Variants in INPP5A observed in about 807,000 individuals in gnomAD.
INPP5A encodes inositol polyphosphate-5-phosphatase A, also known as 43 kDa inositol polyphosphate 5-phophatase.
Under a neutral mutation model 65.2 loss-of-function variants are expected in INPP5A, and 14 were observed. The ratio of observed to expected loss-of-function variants is 0.21; its 90% CI spans 0.14 to 0.34. The LOEUF is 0.34. INPP5A is among the 10% of genes least tolerant of loss of function. The pLI is 1.00. For synonymous variants in INPP5A, 207 were observed against 208.3 expected, an observed-to-expected ratio of 0.99 and a Z score of 0.05; for missense variants, 431 against 545.6, an observed-to-expected ratio of 0.79 and a Z score of 2.09.
intron 2 of INPP5A, among the ~76,000 whole-genome samples, chr10:132,641,829 A>G (rs1219863307): frequency 6.6e-6 from 1 of 152,174 alleles, no homozygotes; most frequent in South Asian, 2.1e-4. Context: ...TGTTTGGGGT[A>G]CCCATCTCCA....
intron 8 of INPP5A, among the ~76,000 whole-genome samples, chr10:132,716,881 C>T (rs939389319): frequency 4.6e-5 from 7 of 152,224 alleles, no homozygotes; most frequent in East Asian, 1.9e-4. Context: ...CCGCCCTGCA[C>T]GGGGCTCCCC....
In INPP5A at chr10:132,782,288, T is replaced by C. The variant is rs1847178867; in HGVS notation, c.*259T>C. 1 of 377,620 alleles carries C rather than the reference T, an allele frequency of 2.6e-6. No individual in the cohort carries two copies. The highest frequency in any genetic ancestry group is 3.7e-5 in the Admixed American group (1 of 26,782). 23.4% of individuals were successfully genotyped at this position (377,620 alleles called of 1,614,324 possible). A position where few individuals can be genotyped will look rare whatever the true frequency, so the allele number is the denominator to read the frequency against. On this transcript the variant is annotated 3_prime_UTR_variant, in exon 16 of 16. Coordinates refer to ENST00000368594, the MANE Select transcript of INPP5A (RefSeq NM_005539.5). The surrounding 1 kb of genome is among the most constrained non-coding windows in gnomAD (Gnocchi z 4.4). ...TTTTTTAAATAAGTCACAGTCCTGT[T>C]GTCAAAACTCTAATAGACAGCAAAG...
At chr10:132,564,570 G>A (rs770398730) in intron 1 of INPP5A, among the ~76,000 whole-genome samples, 14 of 152,196 alleles carry the variant, frequency 9.2e-5, no homozygotes, top group Non-Finnish European at 2.1e-4. Flanking sequence ...ATGGAGGGTC[G>A]TTTCCAACAG....
At chr10:132,715,242 T>C (rs1845720094) in intron 8 of INPP5A, among the ~76,000 whole-genome samples, 1 of 152,216 alleles carries the variant, frequency 6.6e-6, no homozygotes, top group Admixed American at 6.5e-5. Context: ...GGACTCTTTG[T>C]CTCCCCTCTG....
At chr10:132,615,298 C>T (rs896627635) in intron 2 of INPP5A, among the ~76,000 whole-genome samples, 3 of 152,246 alleles carry the variant, frequency 2.0e-5, no homozygotes, top group South Asian at 2.1e-4. Context: ...CCAAGTGTGG[C>T]GTCCGGAACC....
chr10:132,610,983 G>A lies in INPP5A; in HGVS notation c.117+3027G>A, dbSNP rs530610054. On this transcript the variant is annotated intron_variant, in intron 2 of 15. Coordinates refer to ENST00000368594, the MANE Select transcript of INPP5A (RefSeq NM_005539.5). The stretch of plus-strand genomic sequence containing the variant: ...CTCAGGAGATGAGGAGTGCAGGGGA[G>A]AGAGGCCCTGTCAGAGGAGGGGAGG... Among the ~76,000 whole-genome samples the A allele has an allele frequency of 3.2e-4, 48 of 151,308 alleles. 1 individual carries two copies. The South Asian group carries it at 6.7e-3, about 21-fold the overall frequency.
intron 2 of INPP5A, among the ~76,000 whole-genome samples, chr10:132,610,310 C>G (rs892739127): frequency 6.6e-6 from 1 of 152,214 alleles, no homozygotes; most frequent in Non-Finnish European, 1.5e-5. Flanking sequence ...CGTGGCCCCC[C>G]GAATCCTGGG....
At chr10:132,572,703 A>G (rs1325373276) in intron 1 of INPP5A, among the ~76,000 whole-genome samples, 1 of 152,110 alleles carries the variant, frequency 6.6e-6, no homozygotes, top group Non-Finnish European at 1.5e-5. Flanking sequence ...GGTAGCGTTT[A>G]TAACAGGACA....
chr10:132,766,336 T>C (rs1846844685), intron 12 of INPP5A, among the ~76,000 whole-genome samples: 1 of 152,276 alleles, frequency 6.6e-6, no homozygotes, highest in Admixed American at 6.5e-5. Context: ...TGCAAAATAC[T>C]TTCTTATCAG....
At chr10:132,634,852 G>C (rs546425361) in intron 2 of INPP5A, among the ~76,000 whole-genome samples, 298 of 152,354 alleles carry the variant, frequency 2.0e-3, no homozygotes, top group Non-Finnish European at 2.1e-3. Context: ...AGCCCTCCCA[G>C]GCTCATGGCT....
chr10:132,578,337 A>G (rs2071434604), intron 1 of INPP5A, among the ~76,000 whole-genome samples: 1 of 152,164 alleles, frequency 6.6e-6, no homozygotes, highest in South Asian at 2.1e-4. Flanking sequence ...CACAAGCCCG[A>G]GCCTTATCAA....
intron 1 of INPP5A, among the ~76,000 whole-genome samples, chr10:132,579,628 G>A (rs757870002): frequency 1.3e-5 from 2 of 152,130 alleles, no homozygotes; most frequent in South Asian, 2.1e-4. Flanking sequence ...CTTGCCCTGC[G>A]GTGGTGGGGC....
intron 3 of INPP5A, among the ~76,000 whole-genome samples, chr10:132,646,500 G>A (rs1294456748): frequency 6.6e-6 from 1 of 152,178 alleles, no homozygotes; most frequent in African/African-American, 2.4e-5. Context: ...ATCCAGGAGT[G>A]GACAGGAGCA....
rs964639867 is a variant in INPP5A at position 132,741,274 on chromosome 10, C to T, written c.733-8243C>T. Among the ~76,000 whole-genome samples, 8 of 152,260 alleles carry T rather than the reference C, an allele frequency of 5.3e-5. No homozygotes were observed. Among genetic ancestry groups the T allele is most frequent in the East Asian group, 3.9e-4 (2 of 5,184 alleles). On this transcript the variant is annotated intron_variant, in intron 9 of 15. Coordinates refer to ENST00000368594, the MANE Select transcript of INPP5A (RefSeq NM_005539.5). This position sits in a 1 kb window ranked among gnomAD's most constrained non-coding sequence, Gnocchi z 4.4. Reference sequence around the variant, plus strand: ...TAGAGATAAATAAAAAAAGGGACACCGCCTGTCTTGGGTTGACAGCATGAG... The same window carrying T: ...TAGAGATAAATAAAAAAAGGGACACTGCCTGTCTTGGGTTGACAGCATGAG...
chr10:132,738,047 T>C (rs1468002593), intron 9 of INPP5A, among the ~76,000 whole-genome samples: 1 of 152,228 alleles, frequency 6.6e-6, no homozygotes, highest in Non-Finnish European at 1.5e-5. Context: ...TTTTCTCTGG[T>C]CTATGCTGGG....
At position 132,678,590 on chromosome 10, in the gene INPP5A, A is replaced by AGGGT. The variant is rs1272420000; in HGVS notation, c.307-11800_307-11797dup. Among the ~76,000 whole-genome samples the AGGGT allele has an allele frequency of 6.6e-6, 1 of 151,960 alleles. No homozygotes were observed. Among genetic ancestry groups the AGGGT allele is most frequent in the Admixed American group, 6.5e-5 (1 of 15,268 alleles). ...TGCTGCTGCTCAGCCGGGCGCCCAG[A>AGGGT]GGGTGTGGTGCCTCTCTCATTGCCC... On this transcript the variant is annotated intron_variant, in intron 4 of 15. Transcript: ENST00000368594. The surrounding 1 kb of genome is among the most constrained non-coding windows in gnomAD (Gnocchi z 4.1).
intron 11 of INPP5A, among the ~76,000 whole-genome samples, chr10:132,757,758 CGATGT>C (rs1846653140): frequency 1.5e-5 from 2 of 131,676 alleles, no homozygotes; most frequent in African/African-American, 5.3e-5. Flanking sequence ...CAGGCCAGTG[CGATGT>C]CGTGGGTCCC....
chr10:132,640,494 G>A (rs759840264), intron 2 of INPP5A, among the ~76,000 whole-genome samples: 5 of 152,234 alleles, frequency 3.3e-5, no homozygotes, highest in South Asian at 2.1e-4. Flanking sequence ...TGCTGCTCCC[G>A]TAAGTGTGGC....
intron 8 of INPP5A, among the ~76,000 whole-genome samples, chr10:132,722,865 A>G (rs1036010096): frequency 6.6e-6 from 1 of 152,222 alleles, no homozygotes; most frequent in Non-Finnish European, 1.5e-5. Context: ...CGTTTTAATC[A>G]TAATAGCTAC....
Sources: gnomAD v4.1 joint callset for allele counts (sites outside exome capture counted in the v4.1 genomes callset) on GRCh38, gnomAD v4.1.1 for gene constraint, Gnocchi (gnomAD v3.1) non-coding constraint, MANE v1.5 for transcripts, NCBI Gene and HGNC (gene_info 2026-07-23, HGNC 2026-07-21) for gene names.